CSNK1G1: variants seen among roughly 807,000 people sequenced by gnomAD.
CSNK1G1 encodes casein kinase 1 gamma 1.
A neutral mutation model predicts 59.6 loss-of-function variants in CSNK1G1; 22 were observed. That is an observed-to-expected ratio of 0.37 (90% confidence interval 0.26 to 0.53). CSNK1G1 has a LOEUF of 0.53. Among genes scored for constraint, CSNK1G1 ranks in the 20% least tolerant of loss-of-function variants. The pLI is 0.89. For synonymous variants in CSNK1G1, 179 were observed against 177.1 expected, an observed-to-expected ratio of 1.01 and a Z score of -0.08; for missense variants, 384 against 519.5, an observed-to-expected ratio of 0.74 and a Z score of 2.54.
chr15:64,342,145 G>A (rs756597973), intron 1 of CSNK1G1, among the ~76,000 whole-genome samples: 8 of 152,086 alleles, frequency 5.3e-5, no homozygotes, highest in South Asian at 2.1e-4. Flanking sequence ...CCTTTTTCTC[G>A]TGGCTCTCCA....
At chr15:64,278,377 C>CAT (rs1555400346) in intron 2 of CSNK1G1, among the ~76,000 whole-genome samples, 4 of 111,486 alleles carry the variant, frequency 3.6e-5, no homozygotes, top group South Asian at 6.3e-4. Context: ...CATGTATGTG[C>CAT]GTGTGTGTGT....
intron 2 of CSNK1G1, among the ~76,000 whole-genome samples, chr15:64,264,202 A>C (rs1566925148): frequency 1.3e-5 from 2 of 151,832 alleles, no homozygotes; most frequent in African/African-American, 4.8e-5. Flanking sequence ...CGAAGGGGAA[A>C]AGCAAATGGT....
chr15:64,274,501 C>A (rs1023795033), intron 2 of CSNK1G1, among the ~76,000 whole-genome samples: 11 of 152,180 alleles, frequency 7.2e-5, no homozygotes, highest in Non-Finnish European at 1.6e-4. Context: ...CTGGCACAAT[C>A]CCAAGCACTG....
At chr15:64,321,334 G>A (rs1028885602) in intron 1 of CSNK1G1, among the ~76,000 whole-genome samples, 1 of 150,464 alleles carries the variant, frequency 6.6e-6, no homozygotes, top group Non-Finnish European at 1.5e-5. Flanking sequence ...TGGCTCACTG[G>A]AGCTTCAACC....
At chr15:64,352,447 C>CTTCTTTTTTTTTTTTT (rs1566958699) in intron 1 of CSNK1G1, among the ~76,000 whole-genome samples, 3 of 89,412 alleles carry the variant, frequency 3.4e-5, no homozygotes, top group Non-Finnish European at 6.1e-5. Context: ...TTGAATTCTT[C>CTTCTTTTTTTTTTTTT]TTTTTTTTTT....
At chr15:64,268,526 TCTC>T (rs995602605) in intron 2 of CSNK1G1, among the ~76,000 whole-genome samples, 13 of 152,302 alleles carry the variant, frequency 8.5e-5, no homozygotes, top group African/African-American at 2.9e-4. Context: ...GTTTGCATGT[TCTC>T]CTCATGTCTG....
At chr15:64,236,146 A>C in intron 4 of CSNK1G1, among the ~76,000 whole-genome samples, 1 of 147,808 alleles carries the variant, frequency 6.8e-6, no homozygotes. Flanking sequence ...CCATCTCAAA[A>C]AAAAAAAAAA....
chr15:64,177,358 A>G (rs1214853753), intron 11 of CSNK1G1, among the ~76,000 whole-genome samples: 2 of 152,194 alleles, frequency 1.3e-5, no homozygotes, highest in Non-Finnish European at 2.9e-5. Flanking sequence ...ACTTCTTCCC[A>G]TGAAAATGAT....
chr15:64,294,497 T>G (rs1794837377), intron 2 of CSNK1G1, among the ~76,000 whole-genome samples: 1 of 152,130 alleles, frequency 6.6e-6, no homozygotes, highest in Non-Finnish European at 1.5e-5. Context: ...TAAAGTAGAA[T>G]TAAAAAAAAA....
In CSNK1G1 at chr15:64,171,099, G is replaced by A. The variant is rs2081658750; in HGVS notation, c.*832C>T. ...GCCGGCCCCATCCCCCTCAAAACAG[G>A]TAAAAGTAAAACCCCCAATATAACC... On this transcript the variant is annotated 3_prime_UTR_variant, in exon 12 of 12. Coordinates refer to ENST00000303052, the MANE Select transcript of CSNK1G1 (RefSeq NM_022048.5). The surrounding 1 kb of genome is among the most constrained non-coding windows in gnomAD (Gnocchi z 4.8). 6.7e-6 allele frequency: 1 copy of A among 150,364 alleles called. No individual in the cohort carries two copies. The highest frequency in any genetic ancestry group is 1.5e-5 in the Non-Finnish European group (1 of 67,680). 9.3% of individuals were successfully genotyped at this position (150,364 alleles called of 1,614,324 possible). A position where few individuals can be genotyped will look rare whatever the true frequency, so the allele number is the denominator to read the frequency against.
chr15:64,350,232 A>G lies in CSNK1G1; in HGVS notation c.-225+5756T>C, dbSNP rs1029508418. Among the ~76,000 whole-genome samples, 87 of 152,238 alleles carry G rather than the reference A, an allele frequency of 5.7e-4. 1 individual carries two copies. Among genetic ancestry groups the G allele is most frequent in the Non-Finnish European group, 2.9e-4 (20 of 68,006 alleles). On this transcript the variant is annotated intron_variant, in intron 1 of 11. Coordinates refer to ENST00000303052, the MANE Select transcript of CSNK1G1 (RefSeq NM_022048.5). ...TTATCGGCTGGTCGCGGTGGCTCAC[A>G]CCTGTAATCCCAGCACTTTGGGAGG...
At chr15:64,285,641 T>C (rs886160018) in intron 2 of CSNK1G1, among the ~76,000 whole-genome samples, 1 of 152,160 alleles carries the variant, frequency 6.6e-6, no homozygotes, top group African/African-American at 2.4e-5. Flanking sequence ...CCTGGAATAG[T>C]CCTTTAATCA....
intron 2 of CSNK1G1, among the ~76,000 whole-genome samples, chr15:64,287,000 A>G (rs1218217957): frequency 6.6e-6 from 1 of 152,194 alleles, no homozygotes; most frequent in Non-Finnish European, 1.5e-5. Context: ...ATTAAATGCT[A>G]ATGACTATCA....
At chr15:64,293,330 T>TA (rs769713717) in intron 2 of CSNK1G1, among the ~76,000 whole-genome samples, 5 of 152,138 alleles carry the variant, frequency 3.3e-5, no homozygotes, top group Admixed American at 2.0e-4. Flanking sequence ...AAATACTCTT[T>TA]AAAAAAATAA....
At chr15:64,195,678 G>C (rs759000589) in intron 10 of CSNK1G1, among the ~76,000 whole-genome samples, 1 of 152,196 alleles carries the variant, frequency 6.6e-6, no homozygotes, top group Non-Finnish European at 1.5e-5. Context: ...TTGCCAGGTA[G>C]AAGCAAGCAG....
chr15:64,217,302 CACTT>C (rs1374758008), intron 4 of CSNK1G1, among the ~76,000 whole-genome samples: 1 of 152,130 alleles, frequency 6.6e-6, no homozygotes, highest in Non-Finnish European at 1.5e-5. Flanking sequence ...AGTCAACAGA[CACTT>C]AGTGTTTGGT....
chr15:64,308,629 G>A (rs1271209951), intron 1 of CSNK1G1, among the ~76,000 whole-genome samples: 1 of 152,094 alleles, frequency 6.6e-6, no homozygotes, highest in Non-Finnish European at 1.5e-5. Context: ...AGGCGCGGTG[G>A]CTCACATCTA....
Position 64,345,973 on chromosome 15 carries a change from TAGAAACGGG to T in CSNK1G1, c.-225+10006_-225+10014del, listed in dbSNP as rs1311813393. 1.5e-3 allele frequency among the ~76,000 whole-genome samples: 235 copies of T among 152,208 alleles called. 1 individual carries two copies. Among genetic ancestry groups the T allele is most frequent in the African/African-American group, 5.5e-3 (229 of 41,556 alleles). On this transcript the variant is annotated intron_variant, in intron 1 of 11. Coordinates refer to ENST00000303052, the MANE Select transcript of CSNK1G1 (RefSeq NM_022048.5). ...ACCCAGCTAATTTTTGTATTTTTAG[TAGAAACGGG>T]GTTTCACCTTGTTGGCCAGGATGGT...
At chr15:64,264,446 T>C (rs1277111680) in intron 2 of CSNK1G1, among the ~76,000 whole-genome samples, 2 of 152,102 alleles carry the variant, frequency 1.3e-5, no homozygotes. Context: ...CTATCCAACA[T>C]TGAAAGAAAA....
Sources: gnomAD v4.1 joint callset for allele counts (sites outside exome capture counted in the v4.1 genomes callset) on GRCh38, gnomAD v4.1.1 for gene constraint, Gnocchi (gnomAD v3.1) non-coding constraint, MANE v1.5 for transcripts, NCBI Gene and HGNC (gene_info 2026-07-23, HGNC 2026-07-21) for gene names.